NRG1: variants seen among roughly 807,000 people sequenced by gnomAD.
NRG1 encodes the protein neuregulin 1, also known as pro-neuregulin-1, membrane-bound isoform.
In NRG1, 18 loss-of-function variants were observed where a neutral mutation model predicts 63.8. The ratio of observed to expected loss-of-function variants is 0.28; its 90% confidence interval spans 0.19 to 0.42. NRG1 has a LOEUF of 0.42. Ranked by LOEUF, NRG1 falls within the 10% of genes least tolerant of loss-of-function variation. The pLI, the probability that NRG1 is intolerant of heterozygous loss-of-function variation, is 1.00. For missense variants in NRG1, 762 were observed against 814.7 expected (o/e 0.94, Z 0.79); for synonymous variants, 302 against 301.3 (o/e 1.00, Z -0.02).
chr8:32,010,344 G>A lies in NRG1; in HGVS notation c.37+370913G>A, dbSNP rs145237617. Reference sequence around the variant, plus strand: ...TAGGTTGTTTTGCAAACCCATGTAGGTGATCCTGGTAGATTAGATTTACAA... The same window carrying A: ...TAGGTTGTTTTGCAAACCCATGTAGATGATCCTGGTAGATTAGATTTACAA... On this transcript the variant is annotated intron_variant, in intron 1 of 10. Transcript: ENST00000519301. Among the ~76,000 whole-genome samples, 100 of 152,096 alleles carry A rather than the reference G, an allele frequency of 6.6e-4. 1 individual carries two copies. In the East Asian group the frequency reaches 0.017, roughly 25 times the overall value.
At chr8:31,952,966 T>C (rs1261751336) in intron 1 of NRG1, among the ~76,000 whole-genome samples, 1 of 152,244 alleles carries the variant, frequency 6.6e-6, no homozygotes, top group Non-Finnish European at 1.5e-5. Flanking sequence ...GACTCAATTA[T>C]TTGCATTAAA....
intron 1 of NRG1, among the ~76,000 whole-genome samples, chr8:31,843,903 G>A (rs1826431476): frequency 6.6e-6 from 1 of 152,130 alleles, no homozygotes; most frequent in Non-Finnish European, 1.5e-5. Context: ...TCTTTAGTGG[G>A]ATGATCCAAC....
chr8:31,649,421 C>T (rs918864798), intron 1 of NRG1, among the ~76,000 whole-genome samples: 5 of 152,140 alleles, frequency 3.3e-5, no homozygotes, highest in African/African-American at 4.8e-5. Flanking sequence ...TCCTAATGCA[C>T]GTGGAGTAGT....
intron 1 of NRG1, among the ~76,000 whole-genome samples, chr8:31,913,206 G>A (rs1361672542): frequency 6.6e-6 from 1 of 152,146 alleles, no homozygotes; most frequent in Non-Finnish European, 1.5e-5. Flanking sequence ...TGGAACTACT[G>A]TGGTATAAAA....
chr8:31,997,505 A>T (rs1370908512), intron 1 of NRG1, among the ~76,000 whole-genome samples: 6 of 152,038 alleles, frequency 3.9e-5, no homozygotes. Flanking sequence ...TTTCACATTC[A>T]TCACTTCATT....
At chr8:31,999,042 G>C (rs1342287647) in intron 1 of NRG1, among the ~76,000 whole-genome samples, 1 of 151,612 alleles carries the variant, frequency 6.6e-6, no homozygotes, top group African/African-American at 2.4e-5. Flanking sequence ...TTGGTATATA[G>C]TTCTTTTTTT....
intron 1 of NRG1, among the ~76,000 whole-genome samples, chr8:31,666,640 G>A (rs555608933): frequency 1.8e-3 from 268 of 152,296 alleles, no homozygotes; most frequent in Non-Finnish European, 3.1e-3. Context: ...AAGTGAATAT[G>A]GGTTTGGGAA....
At chr8:32,304,023 A>C (rs1348270560) in intron 1 of NRG1, among the ~76,000 whole-genome samples, 1 of 152,224 alleles carries the variant, frequency 6.6e-6, no homozygotes, top group South Asian at 2.1e-4. Flanking sequence ...AATGTTGACT[A>C]CAAAAAAAAC....
intron 5 of NRG1, among the ~76,000 whole-genome samples, chr8:32,704,160 T>C (rs1815709216): frequency 6.6e-6 from 1 of 152,194 alleles, no homozygotes; most frequent in South Asian, 2.1e-4. Context: ...AATGTTTCCT[T>C]AATTTCTTCT....
chr8:32,123,444 G>T (rs1333690768), intron 1 of NRG1, among the ~76,000 whole-genome samples: 1 of 151,806 alleles, frequency 6.6e-6, no homozygotes, highest in Admixed American at 6.6e-5. Context: ...CCATGAATTT[G>T]AGGCCTCCCC....
chr8:32,044,913 C>CAAAAAAAAAAA, intron 1 of NRG1, among the ~76,000 whole-genome samples: 144 of 57,066 alleles, frequency 2.5e-3, no homozygotes, highest in Middle Eastern at 0.028. Flanking sequence ...TAAAGAAAAG[C>CAAAAAAAAAAA]AAAAAAAAAA....
At chr8:32,441,729 G>A (rs982298046) in intron 1 of NRG1, among the ~76,000 whole-genome samples, 2 of 152,046 alleles carry the variant, frequency 1.3e-5, no homozygotes, top group African/African-American at 2.4e-5. Flanking sequence ...CTCAACAGAG[G>A]CCATTCAAAA....
At chr8:32,023,237 T>C (rs934191333) in intron 1 of NRG1, among the ~76,000 whole-genome samples, 4 of 152,218 alleles carry the variant, frequency 2.6e-5, no homozygotes, top group South Asian at 2.1e-4. Flanking sequence ...AATCACACTG[T>C]TCTGATTTCC....
At chr8:32,550,819 T>G (rs1184983542) in intron 1 of NRG1, among the ~76,000 whole-genome samples, 2 of 152,194 alleles carry the variant, frequency 1.3e-5, no homozygotes, top group African/African-American at 4.8e-5. Context: ...TAAGTGACAT[T>G]TGCTTAACTG....
At chr8:31,671,993 C>T (rs1452856691) in intron 1 of NRG1, among the ~76,000 whole-genome samples, 1 of 152,214 alleles carries the variant, frequency 6.6e-6, no homozygotes, top group Non-Finnish European at 1.5e-5. Flanking sequence ...CAAAATGTTG[C>T]ATACAAAATG....
At chr8:32,408,809 C>G (rs915247259) in intron 1 of NRG1, among the ~76,000 whole-genome samples, 2 of 152,072 alleles carry the variant, frequency 1.3e-5, no homozygotes, top group African/African-American at 4.8e-5. Flanking sequence ...ATGGATATAA[C>G]TCTGGTCTTT....
intron 1 of NRG1, among the ~76,000 whole-genome samples, chr8:32,044,847 T>A (rs1304927509): frequency 3.2e-5 from 4 of 126,086 alleles, no homozygotes; most frequent in Admixed American, 2.7e-4. Context: ...ATGCTCATGT[T>A]ATGAGAAAAT....
intron 1 of NRG1, among the ~76,000 whole-genome samples, chr8:32,312,940 G>C (rs947591339): frequency 2.0e-5 from 3 of 152,154 alleles, no homozygotes; most frequent in African/African-American, 7.2e-5. Flanking sequence ...GTTCACTTAA[G>C]GTCAGGAGTT....
At chr8:32,069,907 C>G (rs892794752) in intron 1 of NRG1, among the ~76,000 whole-genome samples, 11 of 152,112 alleles carry the variant, frequency 7.2e-5, no homozygotes, top group African/African-American at 2.4e-4. Context: ...GGCGTGCCCA[C>G]ACATCTTTCT....
Sources: gnomAD v4.1 joint callset for allele counts (sites outside exome capture counted in the v4.1 genomes callset) on GRCh38, gnomAD v4.1.1 for gene constraint, MANE v1.5 for transcripts, NCBI Gene and HGNC (gene_info 2026-07-23, HGNC 2026-07-21) for gene names.